EYA3: variants seen among roughly 807,000 people sequenced by gnomAD.
EYA3 encodes the protein protein phosphatase EYA3.
A neutral mutation model predicts 80.0 loss-of-function variants in EYA3; 39 were observed. The ratio of observed to expected loss-of-function variants is 0.49; its 90% CI spans 0.38 to 0.64. The LOEUF is 0.64. EYA3 is among the 30% of genes least tolerant of loss of function. The pLI is 0.00. For missense variants in EYA3, 523 were observed against 676.1 expected (o/e 0.77, Z 2.51); for synonymous variants, 206 against 232.8 (o/e 0.88, Z 1.05).
intron 1 of EYA3, among the ~76,000 whole-genome samples, chr1:28,063,025 A>G (rs1644692015): frequency 6.6e-6 from 1 of 150,490 alleles, no homozygotes. Context: ...AAAAAAAAAA[A>G]GCACAGAATA....
intron 6 of EYA3, among the ~76,000 whole-genome samples, chr1:28,033,668 T>C (rs1322420189): frequency 6.7e-6 from 1 of 149,016 alleles, no homozygotes; most frequent in African/African-American, 2.4e-5. Context: ...TTATTATTAT[T>C]ATTTTTGAGA....
chr1:27,980,714 G>A (rs1639244075), intron 16 of EYA3, among the ~76,000 whole-genome samples: 1 of 152,156 alleles, frequency 6.6e-6, no homozygotes, highest in Non-Finnish European at 1.5e-5. Context: ...CCAAATCTTT[G>A]GAGAATATTA....
intron 10 of EYA3, among the ~76,000 whole-genome samples, chr1:28,005,804 T>A (rs1641226715): frequency 6.6e-6 from 1 of 151,884 alleles, no homozygotes; most frequent in African/African-American, 2.4e-5. Context: ...AGCAGCATAT[T>A]AAAAGAATTA....
At chr1:28,081,818 T>C (rs569861617) in intron 1 of EYA3, among the ~76,000 whole-genome samples, 1 of 152,298 alleles carries the variant, frequency 6.6e-6, no homozygotes, top group South Asian at 2.1e-4. Context: ...AGCAACTACC[T>C]ACCAATTTTC....
intron 7 of EYA3, 50 bp from the exon 8 acceptor site, chr1:28,017,289 T>C (rs1321422610): frequency 3.0e-6 from 4 of 1,349,428 alleles, no homozygotes; most frequent in African/African-American, 2.9e-5. Flanking sequence ...TGTAAAAGGT[T>C]AGAAGAAACT....
chr1:28,028,022 A>G, intron 6 of EYA3, 96 bp from the exon 7 acceptor site: 2 of 1,376,466 alleles, frequency 1.5e-6, no homozygotes, highest in Non-Finnish European at 2.0e-6. Flanking sequence ...TAAAATCTAA[A>G]TCTTAAAACA....
At chr1:28,053,391 G>A (rs1270468891) in intron 2 of EYA3, among the ~76,000 whole-genome samples, 1 of 152,096 alleles carries the variant, frequency 6.6e-6, no homozygotes, top group African/African-American at 2.4e-5. Context: ...AAGAAGCACT[G>A]ACAAATTCAT....
Position 28,062,873 on chromosome 1 carries a change from G to T in EYA3, c.-68-4779C>A, listed in dbSNP as rs1346130641. On this transcript the variant is annotated intron_variant, in intron 1 of 17. Transcript: ENST00000373871. ...AAAAATTAATCTGGCGTGGTGGCAC[G>T]CGCCTGTAATTCCTGCTACTCAGGA... Among the ~76,000 whole-genome samples the T allele has an allele frequency of 2.6e-5, 4 of 152,018 alleles. No homozygotes were observed. The South Asian group carries it at 8.3e-4, about 32-fold the overall frequency.
chr1:28,081,056 C>A (rs1239523209), intron 1 of EYA3, among the ~76,000 whole-genome samples: 1 of 151,968 alleles, frequency 6.6e-6, no homozygotes, highest in African/African-American at 2.4e-5. Context: ...TGCGCCCGGC[C>A]GATGGTTCTC....
intron 1 of EYA3, among the ~76,000 whole-genome samples, chr1:28,061,159 G>A (rs1177008740): frequency 6.6e-6 from 1 of 152,154 alleles, no homozygotes; most frequent in Admixed American, 6.5e-5. Flanking sequence ...GATTCTACTG[G>A]CAACATACAA....
chr1:27,989,429 G>C (rs755499070), intron 15 of EYA3, among the ~76,000 whole-genome samples: 31 of 152,178 alleles, frequency 2.0e-4, no homozygotes, highest in Non-Finnish European at 4.0e-4. Flanking sequence ...TTATGGACAA[G>C]AGATTATGGG....
At chr1:28,058,842 C>T (rs1644519781) in intron 1 of EYA3, among the ~76,000 whole-genome samples, 1 of 152,172 alleles carries the variant, frequency 6.6e-6, no homozygotes, top group African/African-American at 2.4e-5. Flanking sequence ...TCCACCTTAC[C>T]ATGTCCTACT....
At chr1:28,063,029 C>G (rs1296586694) in intron 1 of EYA3, among the ~76,000 whole-genome samples, 1 of 145,712 alleles carries the variant, frequency 6.9e-6, no homozygotes, top group African/African-American at 2.5e-5. Context: ...AAAAAAAGCA[C>G]AGAATAAAGG....
intron 11 of EYA3, 53 bp from the exon 12 acceptor site, chr1:28,000,102 C>A: frequency 1.5e-6 from 2 of 1,323,098 alleles, no homozygotes; most frequent in South Asian, 2.7e-5. Context: ...AGTCCTGGTT[C>A]TAATCTTCAA....
chr1:28,050,801 T>C (rs1571899311), intron 2 of EYA3, among the ~76,000 whole-genome samples: 1 of 151,994 alleles, frequency 6.6e-6, no homozygotes, highest in African/African-American at 2.4e-5. Context: ...GGCAGGTAAA[T>C]TAACTAAAGA....
chr1:28,085,432 G>C (rs370498548), intron 1 of EYA3, among the ~76,000 whole-genome samples: 1 of 152,250 alleles, frequency 6.6e-6, no homozygotes, highest in Admixed American at 6.5e-5. Flanking sequence ...CTGGCCAACA[G>C]AGCAAGGTTT....
At chr1:28,038,411 G>A (rs1367913209) in intron 5 of EYA3, among the ~76,000 whole-genome samples, 2 of 143,056 alleles carry the variant, frequency 1.4e-5, no homozygotes, top group African/African-American at 5.4e-5. Flanking sequence ...ACTCCAGCCT[G>A]GGCAACAAAC....
chr1:28,064,353 A>G (rs1182334306), intron 1 of EYA3, among the ~76,000 whole-genome samples: 8 of 139,774 alleles, frequency 5.7e-5, no homozygotes, highest in South Asian at 2.3e-4. Context: ...GAGGGAAGCA[A>G]GCCATCCTCT....
At chr1:28,071,106 T>C (rs1645006757) in intron 1 of EYA3, among the ~76,000 whole-genome samples, 2 of 152,154 alleles carry the variant, frequency 1.3e-5, no homozygotes, top group South Asian at 4.1e-4. Flanking sequence ...TATTTTTTAG[T>C]AGAGATGGGG....
Sources: gnomAD v4.1 joint callset for allele counts (sites outside exome capture counted in the v4.1 genomes callset) on GRCh38, gnomAD v4.1.1 for gene constraint, MANE v1.5 for transcripts, NCBI Gene and HGNC (gene_info 2026-07-23, HGNC 2026-07-21) for gene names.